The following INO80 variants were observed in gnomAD, a reference collection of about 807,000 sequenced individuals.
INO80 encodes chromatin-remodeling ATPase INO80.
Under a neutral mutation model 203.4 loss-of-function variants are expected in INO80, and 20 were observed. The ratio of observed to expected loss-of-function variants is 0.10; its 90% CI spans 0.07 to 0.14. The LOEUF (loss-of-function observed/expected upper bound fraction) is 0.14. Ranked by LOEUF, INO80 falls within the 10% of genes least tolerant of loss-of-function variation. The probability of loss-of-function intolerance (pLI) is 1.00; values close to 1 mark genes in which losing one functional copy is unlikely to be tolerated. For synonymous variants in INO80, 726 were observed against 685.2 expected, an observed-to-expected ratio of 1.06 and a Z score of -0.93; for missense variants, 1,419 against 1,914.4, an observed-to-expected ratio of 0.74 and a Z score of 4.83.
intron 17 of INO80, among the ~76,000 whole-genome samples, chr15:41,055,945 G>GA (rs1555403470): frequency 6.2e-5 from 8 of 128,586 alleles, no homozygotes; most frequent in African/African-American, 2.4e-4. Flanking sequence ...TCTTCTTTTG[G>GA]TTTTTTTTTT....
intron 7 of INO80, 51 bp downstream of exon 7, chr15:41,085,317 TG>T (rs2045544729): frequency 6.8e-7 from 1 of 1,468,290 alleles, no homozygotes; most frequent in East Asian, 2.3e-5. Context: ...CTTTAGTGGG[TG>T]GGGAGAGAAA....
At position 40,983,746 on chromosome 15, in the gene INO80, A is replaced by G. The variant is rs909443813; in HGVS notation, c.4237+16T>C. On this transcript the variant is annotated intron_variant, in intron 34 of 35. Coordinates refer to ENST00000648947, the MANE Select transcript of INO80 (RefSeq NM_017553.3). ...CAGTGGACCAGGCCCAAGCTGTACAAGACAGCAGCAATTACCATTCACGGT... is the reference window on the plus strand; with the variant it reads ...CAGTGGACCAGGCCCAAGCTGTACAGGACAGCAGCAATTACCATTCACGGT... The G allele has an allele frequency of 1.2e-6, 2 of 1,611,212 alleles. No individual in the cohort carries two copies. The highest frequency in any genetic ancestry group is 1.7e-6 in the Non-Finnish European group (2 of 1,179,282).
chr15:41,107,937 T>A (rs570794539), intron 1 of INO80, among the ~76,000 whole-genome samples: 2 of 151,102 alleles, frequency 1.3e-5, no homozygotes, highest in African/African-American at 4.9e-5. Context: ...CCATCTCTAC[T>A]AAAAATACAA....
In INO80 at chr15:41,050,173, G is replaced by A. The variant is rs1370928807; in HGVS notation, c.2275-71C>T. On this transcript the variant is annotated intron_variant, in intron 19 of 35. Transcript: ENST00000648947. ...GAAAATTCAGCATCAGCTTAAAGTT[G>A]AAAACACACACAAACCATATTATGA... 1.2e-5 allele frequency: 12 copies of A among 1,004,022 alleles called. No homozygotes were observed. The Admixed American group carries it at 2.1e-4, about 17-fold the overall frequency. The allele number at this position is 1,004,022 out of a possible 1,614,324, so 62.2% of individuals were successfully genotyped here.
At chr15:41,095,218 G>A (rs1244998176) in intron 4 of INO80, among the ~76,000 whole-genome samples, 2 of 152,148 alleles carry the variant, frequency 1.3e-5, no homozygotes, top group African/African-American at 2.4e-5. Context: ...GCGCATGCCT[G>A]TAATCCCAGC....
intron 12 of INO80, among the ~76,000 whole-genome samples, chr15:41,071,448 CTTTTTTTTTTTTTT>C (rs747609865): frequency 0.017 from 1,476 of 87,116 alleles, 48 homozygotes; most frequent in African/African-American, 0.07. Context: ...TACTCATTTC[CTTTTTTTTTTTTTT>C]TTTTTTTTTG....
intron 1 of INO80, among the ~76,000 whole-genome samples, chr15:41,103,777 AG>A (rs1451238095): frequency 6.6e-6 from 1 of 152,218 alleles, no homozygotes; most frequent in African/African-American, 2.4e-5. Context: ...TGAAATTTAA[AG>A]ACCTTTATCA....
intron 23 of INO80, 51 bp downstream of exon 23, chr15:41,047,357 T>A: frequency 9.6e-7 from 1 of 1,045,230 alleles, no homozygotes; most frequent in South Asian, 1.3e-5. Flanking sequence ...TCAATATCTA[T>A]CCCATTTATT....
chr15:41,038,651 T>C (rs1209879819), intron 24 of INO80, among the ~76,000 whole-genome samples: 2 of 152,212 alleles, frequency 1.3e-5, no homozygotes, highest in Non-Finnish European at 2.9e-5. Context: ...ATATCCAAAC[T>C]GATCAAAGTC....
rs953531418 is a variant in INO80, at chr15:41,116,195, C to A, written c.-266G>T. ...GCTGAGGCGGCTGCGGGCGCTGGGC[C>A]GGCGGCGGCGGCGGCCACTTTCACT... On this transcript the variant is annotated 5_prime_UTR_variant, in exon 1 of 36. Transcript: ENST00000648947. The A allele has an allele frequency of 7.4e-6, 3 of 408,036 alleles. No homozygotes were observed. The highest frequency in any genetic ancestry group is 1.3e-5 in the Non-Finnish European group (3 of 234,636). The allele number at this position is 408,036 out of a possible 1,614,324, so 25.3% of individuals were successfully genotyped here.
chr15:41,104,062 T>G (rs1232042126), intron 1 of INO80, among the ~76,000 whole-genome samples: 1 of 151,608 alleles, frequency 6.6e-6, no homozygotes, highest in African/African-American at 2.4e-5. Context: ...CTACTAAAAA[T>G]ACAACAAAGT....
chr15:41,102,714 G>A (rs993058732), intron 1 of INO80, among the ~76,000 whole-genome samples: 3 of 152,078 alleles, frequency 2.0e-5, no homozygotes, highest in African/African-American at 7.2e-5. Flanking sequence ...TAATAAAAAA[G>A]GAGAGTTGGG....
At chr15:41,088,382 AGT>A (rs1458858406) in intron 5 of INO80, among the ~76,000 whole-genome samples, 8 of 151,892 alleles carry the variant, frequency 5.3e-5, no homozygotes, top group Non-Finnish European at 1.5e-5. Flanking sequence ...GGGATTAACA[AGT>A]GTGAGCCACT....
At chr15:41,070,641 T>C in intron 12 of INO80, 94 bp from the exon 13 acceptor site, 1 of 1,030,402 alleles carries the variant, frequency 9.7e-7, no homozygotes, top group Non-Finnish European at 1.5e-6. Flanking sequence ...AACAGGCTTG[T>C]TTAAAGAGAA....
intron 24 of INO80, among the ~76,000 whole-genome samples, chr15:41,038,914 T>C (rs2044624152): frequency 6.6e-6 from 1 of 152,208 alleles, no homozygotes; most frequent in Non-Finnish European, 1.5e-5. Flanking sequence ...TGGCTTCACA[T>C]TGGCTACCAA....
intron 24 of INO80, among the ~76,000 whole-genome samples, chr15:41,043,111 C>T (rs757963996): frequency 1.1e-4 from 17 of 152,304 alleles, no homozygotes; most frequent in African/African-American, 3.4e-4. Context: ...ACTAAGCAGA[C>T]GCTCTGGAAC....
chr15:41,028,389 G>A (rs2044409752), intron 24 of INO80, among the ~76,000 whole-genome samples: 1 of 152,060 alleles, frequency 6.6e-6, no homozygotes, highest in Non-Finnish European at 1.5e-5. Context: ...GCCTGCCTTG[G>A]CCTCCCAAAG....
At chr15:41,044,564 T>G (rs1033471661) in intron 24 of INO80, among the ~76,000 whole-genome samples, 1 of 152,146 alleles carries the variant, frequency 6.6e-6, no homozygotes, top group Non-Finnish European at 1.5e-5. Flanking sequence ...AAACTAGAGC[T>G]ACTAAACGGA....
At chr15:41,115,212 CAA>C (rs1347926158) in intron 1 of INO80, among the ~76,000 whole-genome samples, 1 of 152,140 alleles carries the variant, frequency 6.6e-6, no homozygotes, top group African/African-American at 2.4e-5. Flanking sequence ...GTGTGTGAAT[CAA>C]AGAATTCCAG....
Sources: gnomAD v4.1 joint callset for allele counts (sites outside exome capture counted in the v4.1 genomes callset) on GRCh38, gnomAD v4.1.1 for gene constraint, MANE v1.5 for transcripts, NCBI Gene and HGNC (gene_info 2026-07-23, HGNC 2026-07-21) for gene names.